PCDHGA4: variants seen among roughly 807,000 people sequenced by gnomAD.
PCDHGA4 encodes the protein protocadherin gamma subfamily A, 4.
Under a neutral mutation model 54.6 loss-of-function variants are expected in PCDHGA4, and 38 were observed. That is an observed-to-expected ratio of 0.70 (90% CI 0.54 to 0.91). PCDHGA4 has a LOEUF of 0.91. Ranked by LOEUF, PCDHGA4 falls within the 40% of genes least tolerant of loss-of-function variation. The pLI is 0.00. For missense variants in PCDHGA4, 1,298 were observed against 1,220.9 expected (o/e 1.06, Z -0.94); for synonymous variants, 511 against 512.9 (o/e 1.00, Z 0.05).
intron 1 of PCDHGA4, chr5:141,394,548 C>T (rs1176145709): frequency 6.2e-7 from 1 of 1,614,160 alleles, no homozygotes; most frequent in Admixed American, 1.7e-5. Context: ...GGAGCTGGCG[C>T]CCCGCTCCGC....
chr5:141,398,936 A>G (rs1377976758), intron 1 of PCDHGA4: 2 of 1,613,962 alleles, frequency 1.2e-6, no homozygotes, highest in South Asian at 2.2e-5. Context: ...ACTGACCAAG[A>G]CGAGGGCATC....
chr5:141,422,535 A>T lies in PCDHGA4; in HGVS notation c.2514+64914A>T, dbSNP rs760963618. On this transcript the variant is annotated intron_variant, in intron 1 of 3. Transcript: ENST00000571252. ...AGGGAAGCCCGCCTTTGTCTGCAGA[A>T]ACTCATGTCTGGCTGAATGTGGCAG... 20 of 1,613,826 alleles carry T rather than the reference A, an allele frequency of 1.2e-5. 1 individual carries two copies. Among genetic ancestry groups the T allele is most frequent in the Non-Finnish European group, 8.5e-7 (1 of 1,179,882 alleles).
intron 1 of PCDHGA4, chr5:141,385,078 G>C (rs755613540): frequency 6.2e-7 from 1 of 1,614,222 alleles, no homozygotes. Context: ...CCTGCTGCAG[G>C]CTTCAGAAGG....
intron 1 of PCDHGA4, among the ~76,000 whole-genome samples, chr5:141,475,442 T>A (rs1007534176): frequency 1.3e-5 from 2 of 152,238 alleles, no homozygotes; most frequent in African/African-American, 4.8e-5. Context: ...TAGCTCCAGA[T>A]AATGAGGAAG....
intron 1 of PCDHGA4, chr5:141,428,370 C>A: frequency 1.8e-6 from 1 of 540,734 alleles, no homozygotes; most frequent in Non-Finnish European, 3.4e-6. Flanking sequence ...TCGCCTTGCA[C>A]CTGCGATGCT....
intron 1 of PCDHGA4, chr5:141,427,818 G>T: frequency 6.5e-7 from 1 of 1,530,644 alleles, no homozygotes; most frequent in Non-Finnish European, 9.0e-7. Flanking sequence ...GAGCGGGGTG[G>T]TGGTCGCGCA....
chr5:141,395,305 A>G, intron 1 of PCDHGA4: 1 of 1,514,986 alleles, frequency 6.6e-7, no homozygotes. Flanking sequence ...TATGTTTTGA[A>G]AAACATTGTG....
intron 1 of PCDHGA4, among the ~76,000 whole-genome samples, chr5:141,481,065 A>AAAAG (rs1476331686): frequency 6.6e-6 from 1 of 152,164 alleles, no homozygotes; most frequent in African/African-American, 2.4e-5. Context: ...CTCAAAAACA[A>AAAAG]AAAGAAAGAA....
chr5:141,477,171 TCA>T lies in PCDHGA4; in HGVS notation c.2515-17633_2515-17632del, dbSNP rs772104411. On this transcript the variant is annotated intron_variant, in intron 1 of 3. Transcript: ENST00000571252. This position sits in a 1 kb window ranked among gnomAD's most constrained non-coding sequence, Gnocchi z 4.9. ...GATGTGAATGACAACGCCCCGGAGA[TCA>T]CAGTCACCTCCGTGTACAGCCCAGT... 6.2e-7 allele frequency: 1 copy of T among 1,614,072 alleles called. No individual in the cohort carries two copies. Among genetic ancestry groups the T allele is most frequent in the Non-Finnish European group, 8.5e-7 (1 of 1,179,988 alleles).
At chr5:141,367,450 T>C (rs1038206449) in intron 1 of PCDHGA4, 8 of 152,070 alleles carry the variant, frequency 5.3e-5, no homozygotes, top group African/African-American at 1.4e-4. Flanking sequence ...GGCAGGAGAA[T>C]GGGGTGAACC....
intron 1 of PCDHGA4, chr5:141,371,564 C>A (rs1767846992): frequency 6.2e-7 from 1 of 1,613,816 alleles, no homozygotes; most frequent in Admixed American, 1.7e-5. Flanking sequence ...AAGGAAACTT[C>A]CCCTTTAAAA....
chr5:141,469,296 A>T (rs2099196287), intron 1 of PCDHGA4, among the ~76,000 whole-genome samples: 1 of 149,742 alleles, frequency 6.7e-6, no homozygotes, highest in Non-Finnish European at 1.5e-5. Context: ...AACAAAATAG[A>T]CTGGGCACGA....
rs186028114 is a variant in PCDHGA4, at chr5:141,387,416, T to C, written c.2514+29795T>C. ...ATGTTTGAAGATTGGGGAAAGCTTA[T>C]GTCAATAAATGTTTATGTACTTAAT... On this transcript the variant is annotated intron_variant, in intron 1 of 3. Coordinates refer to ENST00000571252, the MANE Select transcript of PCDHGA4 (RefSeq NM_018917.4). 6.8e-4 allele frequency among the ~76,000 whole-genome samples: 103 copies of C among 152,364 alleles called. 1 individual carries two copies. The highest frequency in any genetic ancestry group is 3.4e-3 in the Middle Eastern group (1 of 294).
chr5:141,503,209 C>T (rs963237902), intron 2 of PCDHGA4, among the ~76,000 whole-genome samples: 3 of 152,020 alleles, frequency 2.0e-5, no homozygotes, highest in African/African-American at 7.3e-5. Context: ...TCTCAGTGCC[C>T]ACCATGAGCA....
chr5:141,432,627 C>T lies in PCDHGA4; in HGVS notation c.2515-62180C>T. ...GGACTCTTCTCGGTGGGTCTGCACA[C>T]GGGCGAGGTGCGCACGGCGCGAGCC... On this transcript the variant is annotated intron_variant, in intron 1 of 3. Coordinates refer to ENST00000571252, the MANE Select transcript of PCDHGA4 (RefSeq NM_018917.4). This position sits in a 1 kb window ranked among gnomAD's most constrained non-coding sequence, Gnocchi z 6.0. 1.2e-6 allele frequency: 2 copies of T among 1,613,770 alleles called. No individual in the cohort carries two copies. Among genetic ancestry groups the T allele is most frequent in the Non-Finnish European group, 1.7e-6 (2 of 1,179,944 alleles).
chr5:141,370,896 C>A, intron 1 of PCDHGA4: 1 of 1,614,040 alleles, frequency 6.2e-7, no homozygotes. Context: ...CAATTCGCTG[C>A]AGCAGTACTA....
intron 1 of PCDHGA4, chr5:141,408,218 G>A: frequency 6.4e-7 from 1 of 1,557,454 alleles, no homozygotes; most frequent in South Asian, 1.2e-5. Context: ...AGGGAGCTGC[G>A]CGCAGAGGCG....
At chr5:141,397,381 T>G (rs966351267) in intron 1 of PCDHGA4, among the ~76,000 whole-genome samples, 1 of 152,228 alleles carries the variant, frequency 6.6e-6, no homozygotes, top group Non-Finnish European at 1.5e-5. Flanking sequence ...GGGATTGGTA[T>G]AAAATTGCCA....
chr5:141,474,019 A>G (rs923131322), intron 1 of PCDHGA4, among the ~76,000 whole-genome samples: 4 of 152,134 alleles, frequency 2.6e-5, no homozygotes, highest in Non-Finnish European at 4.4e-5. Flanking sequence ...ACAGTGAGCT[A>G]TGATTATTCC....
Sources: gnomAD v4.1 joint callset for allele counts (sites outside exome capture counted in the v4.1 genomes callset) on GRCh38, gnomAD v4.1.1 for gene constraint, Gnocchi (gnomAD v3.1) non-coding constraint, MANE v1.5 for transcripts, NCBI Gene and HGNC (gene_info 2026-07-23, HGNC 2026-07-21) for gene names.